The following SEMA3A variants were observed in gnomAD, a reference collection of about 807,000 sequenced individuals.
SEMA3A encodes the protein semaphorin 3A, also known as semaphorin-3A.
Under a neutral mutation model 97.9 loss-of-function variants are expected in SEMA3A, and 29 were observed. The observed-to-expected ratio is 0.30, with a 90% CI of 0.22 to 0.40. SEMA3A has a LOEUF of 0.40. Ranked by LOEUF, SEMA3A falls within the 10% of genes least tolerant of loss-of-function variation. The pLI is 1.00. For synonymous variants in SEMA3A, 321 were observed against 323.7 expected, an observed-to-expected ratio of 0.99 and a Z score of 0.09; for missense variants, 763 against 951.3, an observed-to-expected ratio of 0.80 and a Z score of 2.60.
chr7:84,463,901 G>T (rs1391392959), intron 1 of SEMA3A, among the ~76,000 whole-genome samples: 1 of 151,706 alleles, frequency 6.6e-6, no homozygotes, highest in East Asian at 1.9e-4. Context: ...GTATGCCACT[G>T]TTATTCTTCC....
At chr7:84,286,092 C>T (rs535479530) in intron 3 of SEMA3A, among the ~76,000 whole-genome samples, 43 of 151,920 alleles carry the variant, frequency 2.8e-4, no homozygotes, top group Non-Finnish European at 5.2e-4. Flanking sequence ...CCACTGAAGT[C>T]TTGACAGGTT....
chr7:84,382,063 T>C (rs1244252651), intron 1 of SEMA3A, among the ~76,000 whole-genome samples: 9 of 152,168 alleles, frequency 5.9e-5, no homozygotes, highest in Admixed American at 5.9e-4. Flanking sequence ...CAGAAAGTTG[T>C]AAAAATTTTT....
At chr7:84,084,574 T>A (rs1407447283) in intron 4 of SEMA3A, among the ~76,000 whole-genome samples, 3 of 151,984 alleles carry the variant, frequency 2.0e-5, no homozygotes, top group Non-Finnish European at 4.4e-5. Flanking sequence ...TGTAATCTGG[T>A]CACTCCAATG....
intron 12 of SEMA3A, among the ~76,000 whole-genome samples, chr7:84,001,491 T>C (rs1365447443): frequency 6.6e-6 from 1 of 152,120 alleles, no homozygotes; most frequent in Non-Finnish European, 1.5e-5. Flanking sequence ...TGCTAACAAA[T>C]GATTTCTTTA....
At chr7:84,136,960 A>AGGAAGGAAGGAAGGAAGGAAG (rs376783412) in intron 1 of SEMA3A, among the ~76,000 whole-genome samples, 12 of 141,212 alleles carry the variant, frequency 8.5e-5, no homozygotes, top group East Asian at 6.4e-4. Context: ...GAGGGAGGGA[A>AGGAAGGAAGGAAGGAAGGAAG]GAAGGAAGGA....
chr7:84,355,264 A>G (rs1018299538), intron 2 of SEMA3A, among the ~76,000 whole-genome samples: 7 of 151,990 alleles, frequency 4.6e-5, no homozygotes, highest in African/African-American at 1.4e-4. Flanking sequence ...TAAACTAGAG[A>G]TGAAGGCCAT....
At chr7:84,399,946 T>G (rs541588054) in intron 1 of SEMA3A, among the ~76,000 whole-genome samples, 4 of 152,104 alleles carry the variant, frequency 2.6e-5, no homozygotes, top group African/African-American at 7.2e-5. Flanking sequence ...CTCTTTCTAC[T>G]AGAATAAAGA....
chr7:84,145,831 A>T (rs981733515), intron 1 of SEMA3A, among the ~76,000 whole-genome samples: 1 of 152,160 alleles, frequency 6.6e-6, no homozygotes, highest in Non-Finnish European at 1.5e-5. Context: ...CCTTTCAAAA[A>T]TGTAATGCTT....
rs113242264 is a variant in SEMA3A, at chr7:84,306,078, G to T, written c.-83+1129C>A. ...GATATGAGGTATATTTCCCATAAAAGAATCAAATATCCATACCAATTCAAT... is the reference window on the plus strand; with the variant it reads ...GATATGAGGTATATTTCCCATAAAATAATCAAATATCCATACCAATTCAAT... On this transcript the variant is annotated intron_variant, in intron 3 of 3. Transcript: ENST00000424555. Among the ~76,000 whole-genome samples, 5 of 151,710 alleles carry T rather than the reference G, an allele frequency of 3.3e-5. 1 individual carries two copies. Among genetic ancestry groups the T allele is most frequent in the African/African-American group, 1.2e-4 (5 of 41,442 alleles).
In SEMA3A at chr7:84,005,387, G is replaced by T; in HGVS notation, c.1312C>A (p.Arg438=). The stretch of plus-strand genomic sequence containing the variant: ...TACTGTCCATCTTCTGCATCCACTC[G>T]GTCTACGACAATTTGTGTAAATTGA... ...NYQFTQIVVD[R]VDAEDGQYDV... Residue 438 remains arginine, a synonymous_variant, in exon 11 of 17, where the codon CGA becomes AGA. Transcript: ENST00000265362. The T allele has an allele frequency of 1.2e-6, 2 of 1,613,600 alleles. No homozygotes were observed. The highest frequency in any genetic ancestry group is 1.7e-6 in the Non-Finnish European group (2 of 1,179,780).
At chr7:84,188,570 T>C (rs1797951852) in intron 1 of SEMA3A, among the ~76,000 whole-genome samples, 3 of 151,978 alleles carry the variant, frequency 2.0e-5, no homozygotes, top group Admixed American at 2.0e-4. Flanking sequence ...ACTCTCCAAC[T>C]ATAAATGGCT....
intron 1 of SEMA3A, among the ~76,000 whole-genome samples, chr7:84,400,698 G>A (rs1184131331): frequency 6.6e-6 from 1 of 152,152 alleles, no homozygotes; most frequent in Non-Finnish European, 1.5e-5. Context: ...GGTAGAAATA[G>A]GGGTAGAAAG....
intron 12 of SEMA3A, among the ~76,000 whole-genome samples, chr7:84,001,437 T>A (rs193085117): frequency 2.4e-4 from 37 of 152,088 alleles, no homozygotes; most frequent in Middle Eastern, 3.4e-3. Context: ...TAGGAATCTA[T>A]AACAAATTTA....
intron 4 of SEMA3A, among the ~76,000 whole-genome samples, chr7:84,094,623 T>C (rs958879234): frequency 7.9e-5 from 12 of 152,104 alleles, no homozygotes; most frequent in African/African-American, 2.2e-4. Context: ...GAAAATACTA[T>C]GTTACGTGAT....
At chr7:84,163,005 T>C (rs1797088885) in intron 1 of SEMA3A, among the ~76,000 whole-genome samples, 1 of 152,150 alleles carries the variant, frequency 6.6e-6, no homozygotes, top group Admixed American at 6.5e-5. Context: ...AAAACACAAG[T>C]GATTAATCAG....
chr7:84,395,939 G>C (rs1414392147), intron 1 of SEMA3A, among the ~76,000 whole-genome samples: 3 of 152,108 alleles, frequency 2.0e-5, no homozygotes, highest in African/African-American at 7.2e-5. Flanking sequence ...AAATCTAGTG[G>C]AAGTTTTAGG....
chr7:84,185,167 A>G (rs2116248889), intron 1 of SEMA3A, among the ~76,000 whole-genome samples: 1 of 152,344 alleles, frequency 6.6e-6, no homozygotes, highest in Non-Finnish European at 1.5e-5. Flanking sequence ...CACATACTAA[A>G]TATAAACCCA....
At chr7:84,129,430 G>A (rs569132783) in intron 2 of SEMA3A, among the ~76,000 whole-genome samples, 1 of 152,200 alleles carries the variant, frequency 6.6e-6, no homozygotes, top group Non-Finnish European at 1.5e-5. Context: ...AGAAACTGGT[G>A]TAGACAATAG....
chr7:84,151,194 C>T (rs1031365301), intron 1 of SEMA3A, among the ~76,000 whole-genome samples: 11 of 151,942 alleles, frequency 7.2e-5, no homozygotes, highest in East Asian at 5.8e-4. Context: ...TCTCCTCCTC[C>T]AAAGGAACGC....
Sources: gnomAD v4.1 joint callset for allele counts (sites outside exome capture counted in the v4.1 genomes callset) on GRCh38, gnomAD v4.1.1 for gene constraint, MANE v1.5 for transcripts, NCBI Gene and HGNC (gene_info 2026-07-23, HGNC 2026-07-21) for gene names.